Variants in CRPPA observed in about 807,000 individuals in gnomAD.
CRPPA encodes D-ribitol-5-phosphate cytidylyltransferase.
Under a neutral mutation model 52.0 loss-of-function variants are expected in CRPPA, and 43 were observed. The observed-to-expected ratio is 0.83, with a 90% CI of 0.65 to 1.07. The LOEUF is 1.07. Among genes scored for constraint, CRPPA ranks in the 50% least tolerant of loss-of-function variants. The probability of loss-of-function intolerance (pLI) is 0.00; values close to 1 mark genes in which losing one functional copy is unlikely to be tolerated. For synonymous variants in CRPPA, 250 were observed against 203.5 expected, an observed-to-expected ratio of 1.23 and a Z score of -1.94; for missense variants, 629 against 551.7, an observed-to-expected ratio of 1.14 and a Z score of -1.40.
At chr7:16,156,732 G>A (rs769532936) in intron 9 of CRPPA, among the ~76,000 whole-genome samples, 3 of 152,114 alleles carry the variant, frequency 2.0e-5, no homozygotes, top group Non-Finnish European at 2.9e-5. Flanking sequence ...CATGTTAAAC[G>A]ATCATAATAG....
rs1562608487 is a variant in CRPPA, at chr7:16,286,060, T to TA, written c.836-7835dup. Among the ~76,000 whole-genome samples, 37 of 34,668 alleles carry TA rather than the reference T, an allele frequency of 1.1e-3. 2 individuals are homozygous for TA. Among genetic ancestry groups the TA allele is most frequent in the African/African-American group, 6.8e-3 (35 of 5,170 alleles). 22.7% of individuals were successfully genotyped at this position (34,668 alleles called of 152,430 possible). The stretch of plus-strand genomic sequence containing the variant: ...AAAAATATAAATATATATATATATA[T>TA]ATATATATATATATATATATAATAT... On this transcript the variant is annotated intron_variant, in intron 5 of 9. Transcript: ENST00000407010.
At chr7:16,342,763 C>CAAAAAAAAAAAAAAAAAAAAA (rs368521163) in intron 3 of CRPPA, among the ~76,000 whole-genome samples, 3 of 64,960 alleles carry the variant, frequency 4.6e-5, no homozygotes, top group Admixed American at 3.5e-4. Flanking sequence ...CCTGTCTCCA[C>CAAAAAAAAAAAAAAAAAAAAA]AAAAAAAAAA....
chr7:16,337,315 T>A (rs1449870191), intron 3 of CRPPA, among the ~76,000 whole-genome samples: 2 of 152,102 alleles, frequency 1.3e-5, no homozygotes. Flanking sequence ...GTTGAAATCA[T>A]GGAAAACCTA....
chr7:16,160,944 C>T (rs1455539461), intron 9 of CRPPA, among the ~76,000 whole-genome samples: 1 of 152,074 alleles, frequency 6.6e-6, no homozygotes, highest in East Asian at 1.9e-4. Flanking sequence ...GGAGTTTGCT[C>T]ATGTTTTGGC....
chr7:16,178,824 G>A (rs966991290), intron 9 of CRPPA, among the ~76,000 whole-genome samples: 2 of 151,884 alleles, frequency 1.3e-5, no homozygotes, highest in Non-Finnish European at 2.9e-5. Flanking sequence ...TCTAGTATAC[G>A]AACATCATGT....
chr7:16,154,370 G>GGT (rs1783133781), intron 9 of CRPPA, among the ~76,000 whole-genome samples: 1 of 151,764 alleles, frequency 6.6e-6, no homozygotes, highest in Non-Finnish European at 1.5e-5. Flanking sequence ...AACAGACCCT[G>GGT]GTGTGTGTGT....
chr7:16,111,396 G>A (rs747937977), intron 9 of CRPPA, among the ~76,000 whole-genome samples: 4 of 152,138 alleles, frequency 2.6e-5, no homozygotes, highest in Non-Finnish European at 5.9e-5. Context: ...GAAATACCAC[G>A]TAATTCTGAA....
chr7:16,281,003 G>A (rs1784310776), intron 5 of CRPPA, among the ~76,000 whole-genome samples: 2 of 152,128 alleles, frequency 1.3e-5, no homozygotes, highest in Admixed American at 6.6e-5. Context: ...CTGAGTGACG[G>A]AGTGAGACTC....
At chr7:16,136,390 T>C (rs1782762446) in intron 9 of CRPPA, among the ~76,000 whole-genome samples, 1 of 152,166 alleles carries the variant, frequency 6.6e-6, no homozygotes, top group Non-Finnish European at 1.5e-5. Flanking sequence ...ATGAGGAAAA[T>C]AAACTTCACA....
chr7:16,239,131 C>G (rs1173106705), intron 8 of CRPPA, among the ~76,000 whole-genome samples: 1 of 29,136 alleles, frequency 3.4e-5, no homozygotes, highest in Non-Finnish European at 7.5e-5. Flanking sequence ...GAGCAAGACT[C>G]TGTCTCAAAA....
chr7:16,271,086 G>A (rs1784079690), intron 6 of CRPPA, among the ~76,000 whole-genome samples: 1 of 152,008 alleles, frequency 6.6e-6, no homozygotes, highest in African/African-American at 2.4e-5. Context: ...GTTACACCCT[G>A]CTTGTCATTT....
At chr7:16,272,983 AC>A (rs1784123209) in intron 6 of CRPPA, among the ~76,000 whole-genome samples, 1 of 150,258 alleles carries the variant, frequency 6.7e-6, no homozygotes, top group African/African-American at 2.5e-5. Context: ...TTATTATTAT[AC>A]TTTAAGTTTT....
At chr7:16,390,080 C>T (rs974844911) in intron 2 of CRPPA, among the ~76,000 whole-genome samples, 4 of 151,060 alleles carry the variant, frequency 2.6e-5, no homozygotes, top group Admixed American at 6.6e-5. Flanking sequence ...GAAGTTACTA[C>T]AAAAACTCCA....
intron 9 of CRPPA, among the ~76,000 whole-genome samples, chr7:16,207,303 G>T (rs982879613): frequency 4.6e-5 from 7 of 152,144 alleles, no homozygotes; most frequent in South Asian, 2.1e-4. Flanking sequence ...GCAATACGCT[G>T]CAAATGTTTC....
intron 9 of CRPPA, among the ~76,000 whole-genome samples, chr7:16,121,879 C>A (rs1221104102): frequency 1.3e-5 from 2 of 152,080 alleles, no homozygotes; most frequent in African/African-American, 4.8e-5. Flanking sequence ...TGATCCCTGG[C>A]AGGATCTGTT....
chr7:16,101,450 G>C (rs1262572658), intron 9 of CRPPA, among the ~76,000 whole-genome samples: 1 of 152,082 alleles, frequency 6.6e-6, no homozygotes, highest in Non-Finnish European at 1.5e-5. Flanking sequence ...TGTGTTTATA[G>C]TATTCTCTGA....
chr7:16,376,294 GA>G, intron 2 of CRPPA, 53 bp from the exon 3 acceptor site: 2 of 1,525,666 alleles, frequency 1.3e-6, no homozygotes, highest in South Asian at 2.6e-5. Flanking sequence ...ATTTTAAAGT[GA>G]AATTCTGAAT....
At chr7:16,354,055 A>G (rs1786232676) in intron 3 of CRPPA, among the ~76,000 whole-genome samples, 1 of 152,092 alleles carries the variant, frequency 6.6e-6, no homozygotes, top group Non-Finnish European at 1.5e-5. Context: ...AAATTGTTTT[A>G]CTATTTATCA....
chr7:16,273,716 G>A (rs996477391), intron 6 of CRPPA, among the ~76,000 whole-genome samples: 3 of 152,174 alleles, frequency 2.0e-5, no homozygotes, highest in Non-Finnish European at 4.4e-5. Context: ...CCTCCACTGA[G>A]CTGTTAAACA....
Sources: allele counts gnomAD v4.1 joint callset (sites outside exome capture counted in the v4.1 genomes callset), GRCh38; gene constraint gnomAD v4.1.1; transcripts MANE v1.5; gene names NCBI Gene and HGNC (gene_info 2026-07-23, HGNC 2026-07-21).